DIAPH2: variants seen among roughly 807,000 people sequenced by gnomAD.
The protein encoded by DIAPH2 is diaphanous related formin 2, also known as protein diaphanous homolog 2.
DIAPH2 carries 35 observed loss-of-function variants against 92.7 expected under a neutral mutation model. That is an observed-to-expected ratio of 0.38 (90% CI 0.29 to 0.50). The LOEUF (loss-of-function observed/expected upper bound fraction) is 0.50. DIAPH2 is among the 20% of genes least tolerant of loss of function. The probability of loss-of-function intolerance (pLI) is 0.94; values close to 1 mark genes in which losing one functional copy is unlikely to be tolerated. For missense variants in DIAPH2, 701 were observed against 819.5 expected, an observed-to-expected ratio of 0.86 and a Z score of 1.77; for synonymous variants, 301 against 280.4, an observed-to-expected ratio of 1.07 and a Z score of -0.73.
chrX:97,016,579 A>G (rs1450471256), intron 17 of DIAPH2, among the ~76,000 whole-genome samples: 2 of 111,738 alleles, frequency 1.8e-5, no homozygotes, highest in Non-Finnish European at 3.8e-5. Context: ...ACATGTCAGG[A>G]TATGGAAAGT....
intron 22 of DIAPH2, among the ~76,000 whole-genome samples, chrX:97,151,888 T>C (rs1386849544): frequency 1.8e-5 from 2 of 111,326 alleles, no homozygotes; most frequent in African/African-American, 6.5e-5. Context: ...GTTGAAGTAC[T>C]GATACTGAGT....
intron 22 of DIAPH2, among the ~76,000 whole-genome samples, chrX:97,184,529 C>T (rs543402071): frequency 9.0e-6 from 1 of 111,508 alleles, no homozygotes; most frequent in African/African-American, 3.3e-5. Flanking sequence ...TCCCTTAGCT[C>T]AGATGAGAAA....
intron 4 of DIAPH2, among the ~76,000 whole-genome samples, chrX:96,795,725 ACT>A (rs1445180593): frequency 9.0e-6 from 1 of 110,775 alleles, no homozygotes; most frequent in East Asian, 2.8e-4. Flanking sequence ...CGTTGTCCTG[ACT>A]CTGTTGTGTA....
intron 23 of DIAPH2, among the ~76,000 whole-genome samples, chrX:97,347,413 A>T (rs957943225): frequency 1.8e-5 from 2 of 110,054 alleles, no homozygotes; most frequent in African/African-American, 6.6e-5. Flanking sequence ...ATCTCTACTT[A>T]TATAGAGATG....
At chrX:97,015,374 G>A (rs1004803264) in intron 17 of DIAPH2, among the ~76,000 whole-genome samples, 1 of 111,478 alleles carries the variant, frequency 9.0e-6, no homozygotes, top group African/African-American at 3.3e-5. Context: ...TTTTGGGGAA[G>A]GTCTTGTTTT....
At chrX:97,326,581 G>A (rs772254348) in intron 23 of DIAPH2, among the ~76,000 whole-genome samples, 8 of 111,786 alleles carry the variant, frequency 7.2e-5, no homozygotes, top group Non-Finnish European at 1.3e-4. Context: ...TTTTCAGCCC[G>A]TCCAGTTCTG....
intron 23 of DIAPH2, among the ~76,000 whole-genome samples, chrX:97,285,265 C>T (rs1001252821): frequency 1.9e-5 from 2 of 107,353 alleles, no homozygotes; most frequent in Non-Finnish European, 3.8e-5. Flanking sequence ...TGGGGCCGGG[C>T]GCGGTGGCTC....
chrX:97,534,225 T>A (rs1442567242), intron 26 of DIAPH2, among the ~76,000 whole-genome samples: 1 of 111,630 alleles, frequency 9.0e-6, no homozygotes, highest in Non-Finnish European at 1.9e-5. Flanking sequence ...CTTTAACAAA[T>A]TATCACCTCA....
chrX:96,871,749 C>A (rs956610775), intron 4 of DIAPH2, among the ~76,000 whole-genome samples: 1 of 111,958 alleles, frequency 8.9e-6, no homozygotes, highest in Non-Finnish European at 1.9e-5. Flanking sequence ...ATGACACATT[C>A]CAGAGACATA....
At chrX:96,709,129 A>G (rs1478837475) in intron 1 of DIAPH2, among the ~76,000 whole-genome samples, 3 of 112,447 alleles carry the variant, frequency 2.7e-5, no homozygotes, top group Non-Finnish European at 5.6e-5. Flanking sequence ...AGACAATTTG[A>G]TCACTGAGGT....
chrX:96,875,452 T>C (rs1199350131), intron 4 of DIAPH2, among the ~76,000 whole-genome samples: 3 of 112,169 alleles, frequency 2.7e-5, no homozygotes, highest in Non-Finnish European at 5.6e-5. Flanking sequence ...CTAATCATAT[T>C]TTAGTAAACT....
At chrX:97,338,967 T>G (rs1165000801) in intron 23 of DIAPH2, among the ~76,000 whole-genome samples, 2 of 111,816 alleles carry the variant, frequency 1.8e-5, no homozygotes, top group East Asian at 2.8e-4. Context: ...TCAAAACCAA[T>G]ATAAATGTAC....
intron 17 of DIAPH2, among the ~76,000 whole-genome samples, chrX:97,049,894 T>A (rs973148397): frequency 8.1e-5 from 9 of 111,361 alleles, no homozygotes; most frequent in African/African-American, 2.9e-4. Context: ...TTACTATATA[T>A]GCAAGCACTG....
intron 26 of DIAPH2, among the ~76,000 whole-genome samples, chrX:97,590,621 ATTGACC>A (rs973688793): frequency 2.7e-5 from 3 of 112,218 alleles, no homozygotes; most frequent in African/African-American, 9.7e-5. Flanking sequence ...ATAGTAATGA[ATTGACC>A]TTGTAGCCAC....
chrX:97,531,466 C>T (rs1195310716), intron 26 of DIAPH2, among the ~76,000 whole-genome samples: 4 of 111,756 alleles, frequency 3.6e-5, no homozygotes, highest in East Asian at 2.8e-4. Context: ...CCAGTAAAAT[C>T]GGCTAACTAA....
At chrX:96,934,249 A>G (rs762808806) in intron 10 of DIAPH2, among the ~76,000 whole-genome samples, 6 of 111,881 alleles carry the variant, frequency 5.4e-5, no homozygotes, top group Non-Finnish European at 1.1e-4. Context: ...TTATAGTAAC[A>G]TTACATATCC....
intron 26 of DIAPH2, among the ~76,000 whole-genome samples, chrX:97,519,630 T>C (rs987194036): frequency 8.9e-6 from 1 of 112,789 alleles, no homozygotes; most frequent in Non-Finnish European, 1.9e-5. Flanking sequence ...AGGTTACTGT[T>C]TCAGTGGTGG....
Position 97,069,019 on chromosome X carries a change from G to A in DIAPH2, c.2051-3922G>A, listed in dbSNP as rs749451030. Among the ~76,000 whole-genome samples, 3 of 111,257 alleles carry A rather than the reference G, an allele frequency of 2.7e-5. No individual in the cohort carries two copies. In the Admixed American group the frequency reaches 2.9e-4, roughly 11 times the overall value. ...CTCTTGTTGTCCAGGCTGGAATGCA[G>A]TGGCGCAATCTTGGCACACTGCAAC... On this transcript the variant is annotated intron_variant, in intron 17 of 26. Transcript: ENST00000324765.
intron 23 of DIAPH2, among the ~76,000 whole-genome samples, chrX:97,300,017 T>TA (rs1361301462): frequency 8.9e-6 from 1 of 112,151 alleles, no homozygotes; most frequent in East Asian, 2.8e-4. Context: ...TGCTTGGTAA[T>TA]ATAACAAGAA....
Sources: gnomAD v4.1 joint callset for allele counts (sites outside exome capture counted in the v4.1 genomes callset) on GRCh38, gnomAD v4.1.1 for gene constraint, MANE v1.5 for transcripts, NCBI Gene and HGNC (gene_info 2026-07-23, HGNC 2026-07-21) for gene names.